Variants in PIEZO2 observed in about 807,000 individuals in gnomAD.
The protein encoded by PIEZO2 is piezo-type mechanosensitive ion channel component 2.
Under a neutral mutation model 337.3 loss-of-function variants are expected in PIEZO2, and 172 were observed. The observed-to-expected ratio is 0.51, with a 90% CI of 0.45 to 0.58. The LOEUF is 0.58. Ranked by LOEUF, PIEZO2 falls within the 20% of genes least tolerant of loss-of-function variation. PIEZO2 has a pLI of 0.00. For missense variants in PIEZO2, 3,028 were observed against 3,391.3 expected, an observed-to-expected ratio of 0.89 and a Z score of 2.66; for synonymous variants, 1,251 against 1,228.5, an observed-to-expected ratio of 1.02 and a Z score of -0.38.
In PIEZO2 at chr18:10,702,076, G is replaced by GT. The variant is rs1374432318; in HGVS notation, c.6353dup (p.Asn2118LysfsTer15). ...CTTCCTTCTTTTCCACTCCTATGAT[G>GT]TTTGGGGGGTGATACGGTTTATCTT... is the stretch of plus-strand genomic sequence containing the variant. On this transcript the variant is annotated frameshift_variant, in exon 43 of 56. Coordinates refer to ENST00000674853, the MANE Select transcript of PIEZO2 (RefSeq NM_001378183.1). LOFTEE classifies it high-confidence loss of function. 6.5e-7 allele frequency: 1 copy of GT among 1,536,880 alleles called. No individual in the cohort carries two copies.
chr18:10,761,068 A>G lies in PIEZO2; in HGVS notation c.3293T>C (p.Ile1098Thr), dbSNP rs1440870687. The change falls in exon 24 of 56, where the codon ATT (isoleucine) becomes ACT (threonine). Residue 1098 changes from isoleucine to threonine, a missense_variant. By Grantham distance (89) the Ile-to-Thr change is moderately conservative (BLOSUM62 -1). Coordinates refer to ENST00000674853, the MANE Select transcript of PIEZO2 (RefSeq NM_001378183.1). ...MLAILAFEVT[I>T]YRHQEYYRGR... ...TCGATAGTATTCCTGATGGCGGTAA[A>G]TGGTGACTTCAAAGGCCAGGATAGC... 2.0e-6 allele frequency: 3 copies of G among 1,537,242 alleles called. No homozygotes were observed. The East Asian group carries it at 7.3e-5, about 38-fold the overall frequency.
At chr18:10,860,526 C>T (rs2041845190) in intron 5 of PIEZO2, among the ~76,000 whole-genome samples, 1 of 152,208 alleles carries the variant, frequency 6.6e-6, no homozygotes, top group Non-Finnish European at 1.5e-5. Context: ...GACACCCACA[C>T]CATCGTCAAC....
In PIEZO2 at chr18:10,682,570, G is replaced by A. The variant is rs1460771444; in HGVS notation, c.7498-278C>T. Reference sequence around the variant, plus strand: ...AGCGGCCTTCTCCCTTCAAGACTGTGGGTGGGTTTTCCTGGTGATGAACTC... The same window carrying A: ...AGCGGCCTTCTCCCTTCAAGACTGTAGGTGGGTTTTCCTGGTGATGAACTC... On this transcript the variant is annotated intron_variant, in intron 49 of 55. Transcript: ENST00000674853. This position sits in a 1 kb window ranked among gnomAD's most constrained non-coding sequence, Gnocchi z 5.6. Among the ~76,000 whole-genome samples, 2 of 152,162 alleles carry A rather than the reference G, an allele frequency of 1.3e-5. No homozygotes were observed. Among genetic ancestry groups the A allele is most frequent in the Non-Finnish European group, 2.9e-5 (2 of 68,024 alleles).
Position 10,846,679 on chromosome 18 carries a change from G to A in PIEZO2, c.917+8674C>T, listed in dbSNP as rs1303375512. ...GCAGCTGGTGTTATAAAGCAAGTTT[G>A]CACAGAATAATTGCCTACAAGATAA... On this transcript the variant is annotated intron_variant, in intron 7 of 55. Coordinates refer to ENST00000674853, the MANE Select transcript of PIEZO2 (RefSeq NM_001378183.1). This position sits in a 1 kb window ranked among gnomAD's most constrained non-coding sequence, Gnocchi z 4.1. Among the ~76,000 whole-genome samples, 4 of 152,116 alleles carry A rather than the reference G, an allele frequency of 2.6e-5. No individual in the cohort carries two copies. The highest frequency in any genetic ancestry group is 2.6e-4 in the Admixed American group (4 of 15,274).
In PIEZO2 at chr18:10,716,374, T is replaced by C. The variant is rs963137986; in HGVS notation, c.5090-558A>G. The stretch of plus-strand genomic sequence containing the variant: ...TTCTGATTTTCTTCATGACATTTTC[T>C]CTAGCTTCCTTATATAATATGTGTA... On this transcript the variant is annotated intron_variant, in intron 37 of 55. Coordinates refer to ENST00000674853, the MANE Select transcript of PIEZO2 (RefSeq NM_001378183.1). This position sits in a 1 kb window ranked among gnomAD's most constrained non-coding sequence, Gnocchi z 4.1. 2.0e-5 allele frequency among the ~76,000 whole-genome samples: 3 copies of C among 152,222 alleles called. No individual in the cohort carries two copies. Among genetic ancestry groups the C allele is most frequent in the African/African-American group, 7.2e-5 (3 of 41,448 alleles).
intron 1 of PIEZO2, among the ~76,000 whole-genome samples, chr18:11,074,442 ATCCAAAATTATACAACAGCTGAC>A (rs757058583): frequency 1.7e-4 from 26 of 152,228 alleles, no homozygotes; most frequent in Non-Finnish European, 3.7e-4. Context: ...GGTTTTAACC[ATCCAAAATTATACAACAGCTGAC>A]AGTAATTCCC....
intron 28 of PIEZO2, among the ~76,000 whole-genome samples, chr18:10,751,965 G>C (rs2037663686): frequency 6.6e-6 from 1 of 152,138 alleles, no homozygotes; most frequent in Non-Finnish European, 1.5e-5. Context: ...CTTAAGAGCA[G>C]AGCAGCCAAG....
intron 26 of PIEZO2, 144 bp from the exon 27 acceptor site, chr18:10,758,278 G>C (rs1434024376): frequency 6.1e-6 from 6 of 987,658 alleles, no homozygotes; most frequent in African/African-American, 1.6e-5. Flanking sequence ...ATTCATCCTG[G>C]AGTCCAATGT....
chr18:11,019,761 TGA>T (rs1362092917), intron 2 of PIEZO2, among the ~76,000 whole-genome samples: 2 of 152,194 alleles, frequency 1.3e-5, no homozygotes, highest in Non-Finnish European at 2.9e-5. Context: ...ATACTGTGAT[TGA>T]GTGTTACAAA....
At chr18:10,715,608 T>G in intron 38 of PIEZO2, 42 bp downstream of exon 38, 1 of 1,461,632 alleles carries the variant, frequency 6.8e-7, no homozygotes, top group South Asian at 1.4e-5. Flanking sequence ...AATGTCTTCT[T>G]AATGTGGGAA....
At chr18:10,789,482 G>A (rs561897758) in intron 14 of PIEZO2, 117 bp from the exon 15 acceptor site, 2 of 1,250,958 alleles carry the variant, frequency 1.6e-6, no homozygotes, top group South Asian at 1.7e-5. Flanking sequence ...TGTATAATTT[G>A]GATGATTTTA....
At chr18:11,124,415 C>T (rs2040123217) in intron 1 of PIEZO2, among the ~76,000 whole-genome samples, 1 of 152,176 alleles carries the variant, frequency 6.6e-6, no homozygotes, top group African/African-American at 2.4e-5. Flanking sequence ...AGAAATACAA[C>T]ATCACTGTGC....
intron 1 of PIEZO2, among the ~76,000 whole-genome samples, chr18:11,074,958 C>T (rs2038479880): frequency 6.6e-6 from 1 of 152,180 alleles, no homozygotes; most frequent in Non-Finnish European, 1.5e-5. Flanking sequence ...GTTCCTTTAT[C>T]CCTTTAGCAA....
chr18:10,738,263 G>A (rs779154513), intron 33 of PIEZO2: 5 of 152,186 alleles, frequency 3.3e-5, no homozygotes, highest in African/African-American at 4.8e-5. Flanking sequence ...TCACGTGGTC[G>A]TTTGGGAAAA....
At position 11,092,398 on chromosome 18, in the gene PIEZO2, T is replaced by G. The variant is rs1425072017; in HGVS notation, c.65-26176A>C. ...CATGTGATTCAATTTTATTAAGATA[T>G]GTGAAATGATATCTCATATTTGTTT... is the stretch of plus-strand genomic sequence containing the variant. On this transcript the variant is annotated intron_variant, in intron 1 of 55. Coordinates refer to ENST00000674853, the MANE Select transcript of PIEZO2 (RefSeq NM_001378183.1). The surrounding 1 kb of genome is among the most constrained non-coding windows in gnomAD (Gnocchi z 4.5). 6.6e-6 allele frequency among the ~76,000 whole-genome samples: 1 copy of G among 152,208 alleles called. No homozygotes were observed. The highest frequency in any genetic ancestry group is 2.4e-5 in the African/African-American group (1 of 41,454).
chr18:10,753,074 AC>A (rs2037706957), intron 27 of PIEZO2, among the ~76,000 whole-genome samples, 195 bp from the exon 28 acceptor site: 1 of 152,212 alleles, frequency 6.6e-6, no homozygotes, highest in African/African-American at 2.4e-5. Flanking sequence ...AGTTTTGGAA[AC>A]CGTGTATGCT....
At chr18:10,684,348 G>T (rs1409557602) in intron 49 of PIEZO2, among the ~76,000 whole-genome samples, 2 of 148,386 alleles carry the variant, frequency 1.3e-5, no homozygotes, top group Admixed American at 1.3e-4. Context: ...TGTATTTTTA[G>T]TAGAGACAGG....
rs965107946 is a variant in PIEZO2 at position 11,078,200 on chromosome 18, G to A, written c.65-11978C>T. Among the ~76,000 whole-genome samples, 2 of 151,596 alleles carry A rather than the reference G, an allele frequency of 1.3e-5. No individual in the cohort carries two copies. Among genetic ancestry groups the A allele is most frequent in the Non-Finnish European group, 2.9e-5 (2 of 67,802 alleles). ...CACATACACACACACACTTGTATGGGCTTTATGTAAGCAGCAGTGGCTTTT... is the reference window on the plus strand; with the variant it reads ...CACATACACACACACACTTGTATGGACTTTATGTAAGCAGCAGTGGCTTTT... On this transcript the variant is annotated intron_variant, in intron 1 of 55. Transcript: ENST00000674853. The surrounding 1 kb of genome is among the most constrained non-coding windows in gnomAD (Gnocchi z 5.3).
At chr18:10,778,963 G>C (rs2038887695) in intron 18 of PIEZO2, among the ~76,000 whole-genome samples, 1 of 152,232 alleles carries the variant, frequency 6.6e-6, no homozygotes, top group Non-Finnish European at 1.5e-5. Context: ...GAGAAAAAGA[G>C]AGTGAGGAGT....
Sources: gnomAD v4.1 joint callset for allele counts (sites outside exome capture counted in the v4.1 genomes callset) on GRCh38, gnomAD v4.1.1 for gene constraint, Gnocchi (gnomAD v3.1) non-coding constraint, MANE v1.5 for transcripts, NCBI Gene and HGNC (gene_info 2026-07-23, HGNC 2026-07-21) for gene names.